ME3: variants seen among roughly 807,000 people sequenced by gnomAD.
The protein encoded by ME3 is malic enzyme 3, also known as NADP-dependent malic enzyme, mitochondrial.
ME3 carries 48 observed loss-of-function variants against 68.9 expected under a neutral mutation model. That is an observed-to-expected ratio of 0.70 (90% confidence interval 0.55 to 0.89). The LOEUF (loss-of-function observed/expected upper bound fraction) is 0.89, where lower values mean the gene tolerates loss of function less well. ME3 is among the 40% of genes least tolerant of loss of function. The pLI is 0.00. For synonymous variants in ME3, 320 were observed against 318.8 expected (o/e 1.00, Z -0.04); for missense variants, 675 against 797.4 (o/e 0.85, Z 1.85).
chr11:86,647,628 T>C (rs541238817), intron 2 of ME3, among the ~76,000 whole-genome samples: 1 of 150,974 alleles, frequency 6.6e-6, no homozygotes, highest in Non-Finnish European at 1.5e-5. Flanking sequence ...AAAAAAAGAC[T>C]TTAAACCAAC....
chr11:86,585,328 A>G (rs1339719865), intron 2 of ME3, among the ~76,000 whole-genome samples: 3 of 152,258 alleles, frequency 2.0e-5, no homozygotes, highest in Non-Finnish European at 4.4e-5. Flanking sequence ...GCAATGGTCC[A>G]GTTAAGAGGC....
downstream of ME3, among the ~76,000 whole-genome samples, chr11:86,440,675 A>G (rs1252889088): frequency 1.3e-5 from 2 of 152,128 alleles, no homozygotes; most frequent in African/African-American, 4.8e-5. Flanking sequence ...GCCTTCACAC[A>G]CTGCCGAGAC....
intron 2 of ME3, among the ~76,000 whole-genome samples, chr11:86,608,302 T>G (rs1942302218): frequency 6.6e-6 from 1 of 152,110 alleles, no homozygotes; most frequent in Non-Finnish European, 1.5e-5. Context: ...CCACGCACGC[T>G]TGCTTAATTT....
chr11:86,511,830 T>C (rs2139119410), intron 4 of ME3, among the ~76,000 whole-genome samples: 1 of 152,184 alleles, frequency 6.6e-6, no homozygotes, highest in Middle Eastern at 3.4e-3. Context: ...AAGATTGGTC[T>C]TTTGAGATGT....
chr11:86,663,034 AG>A (rs1446167775), intron 2 of ME3, among the ~76,000 whole-genome samples: 6 of 152,224 alleles, frequency 3.9e-5, no homozygotes, highest in Non-Finnish European at 2.9e-5. Context: ...AGTGATCAAC[AG>A]AGACTGCCTT....
intron 4 of ME3, among the ~76,000 whole-genome samples, chr11:86,521,512 A>C (rs1488444832): frequency 1.3e-5 from 2 of 152,044 alleles, no homozygotes; most frequent in Non-Finnish European, 2.9e-5. Flanking sequence ...GCATTAAATA[A>C]AATAATACAT....
At chr11:86,485,807 C>T (rs1951654986) in intron 7 of ME3, among the ~76,000 whole-genome samples, 1 of 152,126 alleles carries the variant, frequency 6.6e-6, no homozygotes, top group Non-Finnish European at 1.5e-5. Context: ...CTGATTACAC[C>T]CTGCTCTCTT....
At chr11:86,608,072 A>G (rs1011061552) in intron 2 of ME3, among the ~76,000 whole-genome samples, 10 of 152,200 alleles carry the variant, frequency 6.6e-5, no homozygotes, top group Admixed American at 2.0e-4. Context: ...CATAAGCAGC[A>G]TACTCCTTAA....
chr11:86,529,288 C>T (rs530232474), intron 4 of ME3, among the ~76,000 whole-genome samples: 3 of 152,144 alleles, frequency 2.0e-5, no homozygotes, highest in East Asian at 1.9e-4. Context: ...ACACATACAC[C>T]CTCCCAAGAC....
chr11:86,644,867 A>G (rs2135399489), intron 2 of ME3, among the ~76,000 whole-genome samples: 1 of 152,314 alleles, frequency 6.6e-6, no homozygotes, highest in East Asian at 1.9e-4. Context: ...TACCTGGCTC[A>G]TCTCACTGGG....
intron 7 of ME3, among the ~76,000 whole-genome samples, chr11:86,480,692 T>C (rs916458002): frequency 2.6e-5 from 4 of 152,208 alleles, no homozygotes; most frequent in African/African-American, 9.6e-5. Context: ...GTGTGAGTGC[T>C]TTCCCCACAT....
At chr11:86,601,883 G>T (rs1345192591) in intron 2 of ME3, among the ~76,000 whole-genome samples, 3 of 147,004 alleles carry the variant, frequency 2.0e-5, no homozygotes, top group African/African-American at 5.0e-5. Context: ...TGCAGAAAAG[G>T]CCTTTGACAA....
intron 2 of ME3, among the ~76,000 whole-genome samples, chr11:86,645,065 G>A (rs1006515446): frequency 5.3e-5 from 8 of 152,280 alleles, no homozygotes; most frequent in Admixed American, 2.0e-4. Context: ...TTTGCAACCC[G>A]CAGACCAGGA....
chr11:86,450,947 G>A (rs1215695070), intron 8 of ME3, among the ~76,000 whole-genome samples: 1 of 152,182 alleles, frequency 6.6e-6, no homozygotes, highest in Non-Finnish European at 1.5e-5. Flanking sequence ...TTGAGCCACT[G>A]CTACATGACT....
At chr11:86,437,410 G>A (rs1948904005), downstream of ME3, 1 of 152,018 alleles carries the variant, frequency 6.6e-6, no homozygotes, top group South Asian at 2.1e-4. Context: ...CATTGAATAG[G>A]GCACTTTGTT....
intron 4 of ME3, among the ~76,000 whole-genome samples, chr11:86,525,774 A>G: frequency 6.6e-6 from 1 of 150,834 alleles, no homozygotes; most frequent in Middle Eastern, 3.2e-3. Flanking sequence ...AGGTAAGAGA[A>G]TTGCTTGAAC....
rs78149619 is a variant in ME3, at chr11:86,583,073, A to G, written c.184-23250T>C. ...AAGTTTATGCAAACCAGATAACCCA[A>G]GGCTTACAGATAAGGATCTTAGAAA... On this transcript the variant is annotated intron_variant, in intron 2 of 14. Transcript: ENST00000543262. Among the ~76,000 whole-genome samples, 100 of 152,224 alleles carry G rather than the reference A, an allele frequency of 6.6e-4. 2 individuals are homozygous for G. In the East Asian group the frequency reaches 0.018, roughly 27 times the overall value.
chr11:86,585,591 T>C lies in ME3; in HGVS notation c.184-25768A>G, dbSNP rs532968993. Among the ~76,000 whole-genome samples, 3 of 152,338 alleles carry C rather than the reference T, an allele frequency of 2.0e-5. No individual in the cohort carries two copies. The South Asian group carries it at 6.2e-4, about 32-fold the overall frequency. On this transcript the variant is annotated intron_variant, in intron 2 of 14. Coordinates refer to ENST00000543262, the Ensembl canonical transcript of ME3. ...AAGGAGAGGAGCTCATCTCAAGTTTTACTTTATATACATTGAGTTTTCCTT... is the reference window on the plus strand; with the variant it reads ...AAGGAGAGGAGCTCATCTCAAGTTTCACTTTATATACATTGAGTTTTCCTT...
At position 86,604,342 on chromosome 11, in the gene ME3, G is replaced by A. The variant is rs79204799; in HGVS notation, c.184-44519C>T. 3.3e-5 allele frequency among the ~76,000 whole-genome samples: 5 copies of A among 152,168 alleles called. No individual in the cohort carries two copies. In the South Asian group the frequency reaches 8.3e-4, roughly 25 times the overall value. ...AACCAGTCTTTCAGGTTAAATTTTA[G>A]AATGCCCTGGTTAAGGAGGGAGTCC... is the stretch of plus-strand genomic sequence containing the variant. On this transcript the variant is annotated intron_variant, in intron 2 of 14. Coordinates refer to ENST00000543262, the Ensembl canonical transcript of ME3.
Sources: gnomAD v4.1 joint callset for allele counts (sites outside exome capture counted in the v4.1 genomes callset) on GRCh38, gnomAD v4.1.1 for gene constraint, MANE v1.5 for transcripts, NCBI Gene and HGNC (gene_info 2026-07-23, HGNC 2026-07-21) for gene names.